The following CHL1 variants were observed in gnomAD, a reference collection of about 807,000 sequenced individuals.
CHL1 encodes neural cell adhesion molecule L1-like protein.
In CHL1, 96 loss-of-function variants were observed where a neutral mutation model predicts 141.9. The ratio of observed to expected loss-of-function variants is 0.68; its 90% CI spans 0.57 to 0.80. CHL1 has a LOEUF of 0.80. Among genes scored for constraint, CHL1 ranks in the 30% least tolerant of loss-of-function variants. The pLI is 0.00. For synonymous variants in CHL1, 613 were observed against 502.2 expected, an observed-to-expected ratio of 1.22 and a Z score of -2.95; for missense variants, 1,820 against 1,457.2, an observed-to-expected ratio of 1.25 and a Z score of -4.05.
At chr3:377,013 T>C (rs1295650549) in intron 15 of CHL1, among the ~76,000 whole-genome samples, 2 of 152,248 alleles carry the variant, frequency 1.3e-5, no homozygotes, top group African/African-American at 4.8e-5. Context: ...GTGAGCCTCC[T>C]TTCCTCCTCA....
In CHL1 at chr3:343,037, T is replaced by A; in HGVS notation, c.727+6T>A. ...CACAGAAATTGGTTCCAAGGGTAAGTTGAACCCATGTGGAGTGTTGGCATT... is the reference window on the plus strand; with the variant it reads ...CACAGAAATTGGTTCCAAGGGTAAGATGAACCCATGTGGAGTGTTGGCATT... On this transcript the variant is annotated splice_donor_region_variant and intron_variant, in intron 8 of 27. Transcript: ENST00000256509. The A allele has an allele frequency of 1.2e-6, 2 of 1,606,720 alleles. No homozygotes were observed. The highest frequency in any genetic ancestry group is 1.7e-4 in the Middle Eastern group (1 of 6,034).
intron 10 of CHL1, among the ~76,000 whole-genome samples, chr3:351,583 C>T (rs946944309): frequency 5.9e-5 from 9 of 151,962 alleles, no homozygotes; most frequent in Admixed American, 5.2e-4. Flanking sequence ...TTTAGAAGCC[C>T]ACATTAAATA....
intron 2 of CHL1, among the ~76,000 whole-genome samples, chr3:276,510 C>A (rs554688085): frequency 8.5e-4 from 129 of 152,260 alleles, no homozygotes; most frequent in Non-Finnish European, 1.7e-3. Flanking sequence ...AGAAGAACTT[C>A]AGTTCCAAGG....
intron 2 of CHL1, among the ~76,000 whole-genome samples, chr3:288,866 C>T (rs1356474191): frequency 2.0e-5 from 3 of 152,074 alleles, no homozygotes; most frequent in South Asian, 4.1e-4. Context: ...AAAATATTTT[C>T]GATAATATTT....
chr3:331,030 A>G (rs1249242615), intron 5 of CHL1, among the ~76,000 whole-genome samples: 1 of 152,220 alleles, frequency 6.6e-6, no homozygotes, highest in Non-Finnish European at 1.5e-5. Context: ...CACACAGAGA[A>G]ACATTTATAT....
intron 2 of CHL1, among the ~76,000 whole-genome samples, chr3:245,533 C>T (rs567808665): frequency 3.0e-4 from 46 of 152,102 alleles, no homozygotes; most frequent in Middle Eastern, 3.4e-3. Context: ...AAAACAAAAA[C>T]GAGTAATTTT....
chr3:401,016 C>G (rs537202132), intron 26 of CHL1, among the ~76,000 whole-genome samples: 14 of 149,662 alleles, frequency 9.4e-5, no homozygotes, highest in Non-Finnish European at 1.8e-4. Context: ...ATCCTCCAAC[C>G]TCAGCTCCTC....
chr3:295,936 G>T (rs540295879), intron 2 of CHL1, among the ~76,000 whole-genome samples: 2 of 152,148 alleles, frequency 1.3e-5, no homozygotes, highest in South Asian at 4.2e-4. Context: ...TTTTGAATTC[G>T]GAAGAGAGAA....
chr3:244,921 T>A (rs1693016991), intron 2 of CHL1, among the ~76,000 whole-genome samples: 2 of 152,198 alleles, frequency 1.3e-5, no homozygotes, highest in Admixed American at 1.3e-4. Context: ...AGCAAAACCC[T>A]TACCTTAAAG....
intron 6 of CHL1, 45 bp from the exon 7 acceptor site, chr3:341,867 G>A (rs373598605): frequency 1.1e-4 from 167 of 1,465,096 alleles, no homozygotes; most frequent in Non-Finnish European, 1.4e-4. Flanking sequence ...ATGAAGCACA[G>A]TAAGGGACAA....
intron 2 of CHL1, among the ~76,000 whole-genome samples, chr3:314,078 T>C (rs983287358): frequency 3.3e-5 from 5 of 151,964 alleles, no homozygotes; most frequent in Admixed American, 3.3e-4. Context: ...AGAAAGTCTT[T>C]TTTTCTGTTT....
At chr3:321,673 T>A (rs892631531) in intron 3 of CHL1, among the ~76,000 whole-genome samples, 1 of 152,136 alleles carries the variant, frequency 6.6e-6, no homozygotes, top group African/African-American at 2.4e-5. Context: ...CACATTTTTA[T>A]TCTGGTTGTC....
chr3:239,386 G>C (rs1429819166), intron 1 of CHL1, among the ~76,000 whole-genome samples: 2 of 152,102 alleles, frequency 1.3e-5, no homozygotes, highest in Non-Finnish European at 2.9e-5. Context: ...GTGCACACTT[G>C]CTCCGTTTTC....
Position 360,291 on chromosome 3 carries a change from A to T in CHL1, c.1173A>T (p.Pro391=). The T allele has an allele frequency of 6.2e-7, 1 of 1,613,778 alleles. No individual in the cohort carries two copies. The change falls in exon 12 of 28, where the codon CCA becomes CCT. Residue 391 remains proline (P), a synonymous_variant. Transcript: ENST00000256509. ...RVNGSPVDNH[P]FAGDVVFPRE... is the part of the protein sequence containing the mutation. ...TTCTTTAATCTCTTTCAGATCATCC[A>T]TTTGCTGGTGATGTTGTCTTCCCCA... is the stretch of plus-strand genomic sequence containing the variant.
chr3:338,107 G>T (rs556793893), intron 5 of CHL1, among the ~76,000 whole-genome samples: 3 of 151,980 alleles, frequency 2.0e-5, no homozygotes, highest in South Asian at 4.2e-4. Flanking sequence ...CTTGTGATCC[G>T]CCCACCTCGG....
At chr3:224,865 G>A (rs979017733) in intron 1 of CHL1, among the ~76,000 whole-genome samples, 2 of 152,212 alleles carry the variant, frequency 1.3e-5, no homozygotes, top group Admixed American at 6.5e-5. Context: ...GCCGGGTGCA[G>A]TGGCTCACGC....
chr3:253,104 C>G (rs1250488294), intron 2 of CHL1, among the ~76,000 whole-genome samples: 3 of 151,950 alleles, frequency 2.0e-5, no homozygotes, highest in Non-Finnish European at 4.4e-5. Context: ...GCCTTAATTT[C>G]TCATCAGTAA....
chr3:288,944 T>C (rs1317953591), intron 2 of CHL1, among the ~76,000 whole-genome samples: 1 of 152,214 alleles, frequency 6.6e-6, no homozygotes, highest in Non-Finnish European at 1.5e-5. Flanking sequence ...GCCTTTGGTT[T>C]TGTGAGCTTC....
intron 24 of CHL1, 73 bp from the exon 25 acceptor site, chr3:398,154 A>G: frequency 4.6e-6 from 5 of 1,080,848 alleles, no homozygotes; most frequent in Non-Finnish European, 6.4e-6. Flanking sequence ...ATTCACCTCT[A>G]ACAACAATAT....
Sources: gnomAD v4.1 joint callset for allele counts (sites outside exome capture counted in the v4.1 genomes callset) on GRCh38, gnomAD v4.1.1 for gene constraint, MANE v1.5 for transcripts, NCBI Gene and HGNC (gene_info 2026-07-23, HGNC 2026-07-21) for gene names.